The following IL15 variants were observed in gnomAD, a reference collection of about 807,000 sequenced individuals.
IL15 encodes interleukin 15, also known as interleukin-15.
IL15 carries 11 observed loss-of-function variants against 19.6 expected under a neutral mutation model. The ratio of observed to expected loss-of-function variants is 0.56; its 90% CI spans 0.35 to 0.93. The LOEUF is 0.93. Ranked by LOEUF, IL15 falls within the 40% of genes least tolerant of loss-of-function variation. The pLI, the probability that IL15 is intolerant of heterozygous loss-of-function variation, is 0.01. For missense variants in IL15, 197 were observed against 186.5 expected (o/e 1.06, Z -0.33); for synonymous variants, 58 against 59.6 (o/e 0.97, Z 0.12).
chr4:141,716,887 G>T (rs1729904317), intron 2 of IL15: 1 of 152,200 alleles, frequency 6.6e-6, no homozygotes, highest in Non-Finnish European at 1.5e-5. Flanking sequence ...TGTTCTCCCT[G>T]TTGGGTTTTG....
At chr4:141,705,807 ATTTC>A (rs1729495338) in intron 2 of IL15, among the ~76,000 whole-genome samples, 1 of 150,410 alleles carries the variant, frequency 6.6e-6, no homozygotes, top group Admixed American at 6.6e-5. Context: ...TATTGAATTG[ATTTC>A]TTTATTTTTA....
intron 5 of IL15, among the ~76,000 whole-genome samples, chr4:141,726,806 GA>G (rs1307313030): frequency 5.3e-5 from 8 of 152,092 alleles, no homozygotes. Context: ...GTATTATGAT[GA>G]GTGAAAAAAG....
chr4:141,684,494 A>G (rs1728644442), intron 2 of IL15, among the ~76,000 whole-genome samples: 1 of 152,246 alleles, frequency 6.6e-6, no homozygotes, highest in African/African-American at 2.4e-5. Context: ...ATCATATCAG[A>G]TTCCTCCGTT....
chr4:141,733,759 A>G lies in IL15; in HGVS notation c.*911A>G, dbSNP rs1730532769. ...TAGAAAACTAATAGTGACAGTGTTC[A>G]TATTTCATGCTTTCCCAAATACAGG... On this transcript the variant is annotated 3_prime_UTR_variant, in exon 8 of 8. Coordinates refer to ENST00000320650, the MANE Select transcript of IL15 (RefSeq NM_000585.5). 6.6e-6 allele frequency: 1 copy of G among 152,220 alleles called. No individual in the cohort carries two copies. Among genetic ancestry groups the G allele is most frequent in the Non-Finnish European group, 1.5e-5 (1 of 68,032 alleles). The allele number at this position is 152,220 out of a possible 1,614,324, so 9.4% of individuals were successfully genotyped here. A position where few individuals can be genotyped will look rare whatever the true frequency, so the allele number is the denominator to read the frequency against.
At chr4:141,661,779 C>A (rs895695794) in intron 2 of IL15, among the ~76,000 whole-genome samples, 4 of 152,134 alleles carry the variant, frequency 2.6e-5, no homozygotes, top group Admixed American at 6.5e-5. Flanking sequence ...GCTCCCTCCG[C>A]CCTCCATTTC....
chr4:141,649,040 C>T (rs2152154794), intron 1 of IL15, among the ~76,000 whole-genome samples: 1 of 152,168 alleles, frequency 6.6e-6, no homozygotes, highest in Non-Finnish European at 1.5e-5. Flanking sequence ...GCTGAGTGTC[C>T]AGGATACTGA....
intron 5 of IL15, among the ~76,000 whole-genome samples, chr4:141,727,318 T>A (rs1195568192): frequency 1.3e-5 from 2 of 151,612 alleles, no homozygotes; most frequent in African/African-American, 4.9e-5. Flanking sequence ...TTTCTGCTAG[T>A]TTTTCTGTAA....
intron 2 of IL15, among the ~76,000 whole-genome samples, chr4:141,682,230 A>G (rs1250072807): frequency 6.6e-6 from 1 of 152,222 alleles, no homozygotes; most frequent in African/African-American, 2.4e-5. Context: ...AATGATTAAT[A>G]CACAAATATT....
At chr4:141,731,808 A>G (rs1190879276) in intron 7 of IL15, among the ~76,000 whole-genome samples, 2 of 152,224 alleles carry the variant, frequency 1.3e-5, no homozygotes, top group Non-Finnish European at 2.9e-5. Context: ...TAATGGATAT[A>G]AAATCTAATT....
At chr4:141,709,465 G>C (rs1729641470) in intron 2 of IL15, among the ~76,000 whole-genome samples, 1 of 152,122 alleles carries the variant, frequency 6.6e-6, no homozygotes, top group Non-Finnish European at 1.5e-5. Context: ...TGGTTAAATA[G>C]TTAGGAATTT....
intron 2 of IL15, among the ~76,000 whole-genome samples, chr4:141,669,340 G>T (rs1728095123): frequency 6.6e-6 from 1 of 152,194 alleles, no homozygotes; most frequent in Non-Finnish European, 1.5e-5. Context: ...TTGAGTGGTT[G>T]TGTGGTGAAA....
At chr4:141,655,214 T>C (rs1727548861) in intron 1 of IL15, among the ~76,000 whole-genome samples, 1 of 152,116 alleles carries the variant, frequency 6.6e-6, no homozygotes, top group Non-Finnish European at 1.5e-5. Context: ...GCTCAGGGAA[T>C]GGGCCTCTCT....
At chr4:141,726,401 T>TA (rs1379811202) in intron 5 of IL15, among the ~76,000 whole-genome samples, 1 of 151,976 alleles carries the variant, frequency 6.6e-6, no homozygotes, top group Non-Finnish European at 1.5e-5. Context: ...GTATACAGAA[T>TA]AAAAAATAGT....
chr4:141,702,960 C>T (rs756512361), intron 2 of IL15, among the ~76,000 whole-genome samples: 4 of 152,152 alleles, frequency 2.6e-5, no homozygotes, highest in Non-Finnish European at 5.9e-5. Context: ...GGGTGGTTTG[C>T]AGGCCACTAG....
intron 2 of IL15, among the ~76,000 whole-genome samples, chr4:141,686,525 T>C (rs1396967514): frequency 1.3e-5 from 2 of 152,146 alleles, no homozygotes; most frequent in East Asian, 3.9e-4. Context: ...ACGAGTTCCT[T>C]AAATTCGTCA....
chr4:141,667,588 TA>T (rs1297094052), intron 2 of IL15, among the ~76,000 whole-genome samples: 1 of 152,162 alleles, frequency 6.6e-6, no homozygotes, highest in African/African-American at 2.4e-5. Flanking sequence ...CCACTTACTT[TA>T]AAAAAATAAA....
chr4:141,639,606 G>C (rs994833371), intron 1 of IL15, among the ~76,000 whole-genome samples: 1 of 152,192 alleles, frequency 6.6e-6, no homozygotes, highest in Non-Finnish European at 1.5e-5. Context: ...GATTCATGGA[G>C]AGGTCAGAGA....
At chr4:141,641,343 A>T (rs912726892) in intron 1 of IL15, among the ~76,000 whole-genome samples, 1 of 152,208 alleles carries the variant, frequency 6.6e-6, no homozygotes, top group African/African-American at 2.4e-5. Context: ...TAAGCATAAA[A>T]CTAAAACATA....
At chr4:141,654,088 A>G (rs1419502024) in intron 1 of IL15, among the ~76,000 whole-genome samples, 4 of 152,214 alleles carry the variant, frequency 2.6e-5, no homozygotes, top group African/African-American at 9.6e-5. Flanking sequence ...TATACATGCG[A>G]GAGGCTTACT....
Sources: gnomAD v4.1 joint callset for allele counts (sites outside exome capture counted in the v4.1 genomes callset) on GRCh38, gnomAD v4.1.1 for gene constraint, MANE v1.5 for transcripts, NCBI Gene and HGNC (gene_info 2026-07-23, HGNC 2026-07-21) for gene names.